The following SYAP1 variants were observed in gnomAD, a reference collection of about 807,000 sequenced individuals.
SYAP1 encodes the protein synapse associated protein 1.
In SYAP1, 3 loss-of-function variants were observed where a neutral mutation model predicts 29.6. The observed-to-expected ratio is 0.10, with a 90% CI of 0.05 to 0.26. The LOEUF (loss-of-function observed/expected upper bound fraction) is 0.26, where lower values mean the gene tolerates loss of function less well. Ranked by LOEUF, SYAP1 falls within the 10% of genes least tolerant of loss-of-function variation. The pLI, the probability that SYAP1 is intolerant of heterozygous loss-of-function variation, is 1.00. For missense variants in SYAP1, 217 were observed against 264.1 expected (o/e 0.82, Z 1.24); for synonymous variants, 102 against 102.7 (o/e 0.99, Z 0.04).
At chrX:16,736,283 G>A in intron 3 of SYAP1, 51 bp downstream of exon 3, 1 of 847,413 alleles carries the variant, frequency 1.2e-6, no homozygotes, top group Non-Finnish European at 1.8e-6. Context: ...TTGAGCACCT[G>A]TTATGTGCTA....
intron 3 of SYAP1, among the ~76,000 whole-genome samples, chrX:16,737,263 T>A (rs1926351692): frequency 9.0e-5 from 10 of 111,503 alleles, no homozygotes. Context: ...TGCACACCTG[T>A]AGTCCCAGCT....
chrX:16,752,914 C>T (rs1187738249), intron 5 of SYAP1, among the ~76,000 whole-genome samples: 1 of 110,880 alleles, frequency 9.0e-6, no homozygotes, highest in African/African-American at 3.3e-5. Flanking sequence ...TGTACAGACT[C>T]ATGCAATGGT....
At chrX:16,728,492 C>T (rs773083133) in intron 1 of SYAP1, among the ~76,000 whole-genome samples, 38 of 110,426 alleles carry the variant, frequency 3.4e-4, no homozygotes, top group African/African-American at 5.3e-4. Flanking sequence ...CATGGTGAAA[C>T]GCCATCTCTA....
intron 2 of SYAP1, 23 bp downstream of exon 2, chrX:16,735,368 A>G: frequency 1.0e-6 from 1 of 964,158 alleles, no homozygotes; most frequent in Non-Finnish European, 1.4e-6. Context: ...ATCTTTTGGA[A>G]GTAGAAATGT....
chrX:16,721,015 AAAAAC>A (rs1167147885), intron 1 of SYAP1, among the ~76,000 whole-genome samples: 9 of 109,943 alleles, frequency 8.2e-5, no homozygotes, highest in African/African-American at 2.6e-4. Flanking sequence ...TCCATCTCAA[AAAAAC>A]AAAACAAAAC....
chrX:16,731,034 T>C (rs1394616304), intron 1 of SYAP1, among the ~76,000 whole-genome samples: 1 of 112,493 alleles, frequency 8.9e-6, no homozygotes, highest in Admixed American at 9.5e-5. Context: ...TTACCAGTAA[T>C]CTTTAAAACT....
At chrX:16,754,167 A>G (rs1453298001) in intron 5 of SYAP1, among the ~76,000 whole-genome samples, 2 of 111,868 alleles carry the variant, frequency 1.8e-5, no homozygotes, top group Non-Finnish European at 3.8e-5. Context: ...ATAAGGAACA[A>G]CAGCCACAAT....
intron 5 of SYAP1, among the ~76,000 whole-genome samples, chrX:16,750,271 G>C (rs767018163): frequency 8.9e-6 from 1 of 112,016 alleles, no homozygotes; most frequent in South Asian, 3.7e-4. Context: ...ACTGTGGTTT[G>C]CTCAGCTAAA....
rs1168441992 is a variant in SYAP1, at chrX:16,764,574, C to A, written c.*4215C>A. 9.1e-6 allele frequency: 1 copy of A among 109,576 alleles called. No individual in the cohort carries two copies. Among genetic ancestry groups the A allele is most frequent in the Non-Finnish European group, 1.9e-5 (1 of 52,690 alleles). 9.0% of individuals were successfully genotyped at this position (109,576 alleles called of 1,213,427 possible). On this transcript the variant is annotated 3_prime_UTR_variant, in exon 9 of 9. Coordinates refer to ENST00000380155, the MANE Select transcript of SYAP1 (RefSeq NM_032796.4). ...ACGGGGTTTCACCATGTTGGCCAGG[C>A]TGGTCTTGAACGACTGGCCTCAGGT...
intron 4 of SYAP1, among the ~76,000 whole-genome samples, chrX:16,742,920 ATTTTTTTTTTTT>A (rs761130108): frequency 3.2e-5 from 2 of 62,992 alleles, no homozygotes; most frequent in Non-Finnish European, 5.8e-5. Context: ...GTCCGCTTCT[ATTTTTTTTTTTT>A]TTTTTTTTTT....
chrX:16,750,070 G>A (rs771178783), intron 5 of SYAP1, among the ~76,000 whole-genome samples: 6 of 111,470 alleles, frequency 5.4e-5, no homozygotes, highest in Non-Finnish European at 1.1e-4. Context: ...AAATGTCTTA[G>A]TCCCTATAAT....
At chrX:16,724,796 T>A (rs777551440) in intron 1 of SYAP1, among the ~76,000 whole-genome samples, 53 of 111,929 alleles carry the variant, frequency 4.7e-4, no homozygotes, top group Non-Finnish European at 3.6e-4. Flanking sequence ...TCCCCTTAAA[T>A]TTCTTGGGGT....
intron 6 of SYAP1, among the ~76,000 whole-genome samples, chrX:16,755,470 G>C (rs4345743): frequency 9.3e-6 from 1 of 108,056 alleles, no homozygotes; most frequent in South Asian, 4.0e-4. Flanking sequence ...TTTTTTTTTC[G>C]TTTTATTTCT....
At chrX:16,755,944 G>T (rs1295732537) in intron 6 of SYAP1, among the ~76,000 whole-genome samples, 1 of 111,799 alleles carries the variant, frequency 8.9e-6, no homozygotes, top group Non-Finnish European at 1.9e-5. Context: ...TGAGGTACAG[G>T]TTATACAGAA....
rs907514883 is a variant in SYAP1, at chrX:16,762,915, C to G, written c.*2556C>G. The G allele has an allele frequency of 8.9e-6, 1 of 111,736 alleles. No individual in the cohort carries two copies. Among genetic ancestry groups the G allele is most frequent in the African/African-American group, 3.3e-5 (1 of 30,714 alleles). 9.2% of individuals were successfully genotyped at this position (111,736 alleles called of 1,213,427 possible). On this transcript the variant is annotated 3_prime_UTR_variant, in exon 9 of 9. Transcript: ENST00000380155. ...TACTTTTTACCCTTCCACTAGATGT[C>G]CTTTGCAGCAGTGTTTTTCTAGTTG...
Position 16,736,179 on chromosome X carries a change from A to T in SYAP1, c.308A>T (p.Asp103Val). ...TTTTTTTAACAGACAATTATAGGAG[A>T]TTTTCAGAAGGAACAGAAAAAATTT... ...DGIIDKTIIG[D>V]FQKEQKKFVE... is the part of the protein sequence containing the mutation. Residue 103 changes from aspartate to valine, a missense_variant, in exon 3 of 9, where the codon GAT (aspartate) becomes GTT (valine). By Grantham distance (152) the Asp-to-Val change is radical. Transcript: ENST00000380155. 1 of 1,174,604 alleles carries T rather than the reference A, an allele frequency of 8.5e-7. No homozygotes were observed. The highest frequency in any genetic ancestry group is 1.8e-5 in the African/African-American group (1 of 56,959).
chrX:16,751,467 A>G (rs1156616558), intron 5 of SYAP1, among the ~76,000 whole-genome samples: 3 of 103,723 alleles, frequency 2.9e-5, no homozygotes, highest in South Asian at 4.5e-4. Context: ...AAAAAAAAAA[A>G]GGGATAAAGA....
intron 1 of SYAP1, among the ~76,000 whole-genome samples, chrX:16,727,471 G>A (rs1241311773): frequency 9.2e-6 from 1 of 108,989 alleles, no homozygotes; most frequent in African/African-American, 3.3e-5. Flanking sequence ...AGCCTCCCAA[G>A]TAGCTGGGAT....
intron 3 of SYAP1, among the ~76,000 whole-genome samples, chrX:16,739,972 C>T (rs1403106064): frequency 3.6e-5 from 4 of 111,311 alleles, no homozygotes. Context: ...GTGCCGATCA[C>T]GCAGATCTGC....
Sources: allele counts gnomAD v4.1 joint callset (sites outside exome capture counted in the v4.1 genomes callset), GRCh38; gene constraint gnomAD v4.1.1; transcripts MANE v1.5; gene names NCBI Gene and HGNC (gene_info 2026-07-23, HGNC 2026-07-21).